Variants in UBE2E2 observed in about 807,000 individuals in gnomAD.
The protein encoded by UBE2E2 is ubiquitin conjugating enzyme E2 E2, also known as ubiquitin-conjugating enzyme E2 E2.
In UBE2E2, 6 loss-of-function variants were observed where a neutral mutation model predicts 24.7. The observed-to-expected ratio is 0.24, with a 90% CI of 0.13 to 0.48. The LOEUF is 0.48. Among genes scored for constraint, UBE2E2 ranks in the 20% least tolerant of loss-of-function variants. UBE2E2 has a pLI of 0.99. For synonymous variants in UBE2E2, 104 were observed against 83.6 expected (o/e 1.24, Z -1.33); for missense variants, 169 against 245.0 (o/e 0.69, Z 2.07).
intron 5 of UBE2E2, among the ~76,000 whole-genome samples, chr3:23,538,136 CAAT>C (rs1181462862): frequency 6.6e-6 from 1 of 152,050 alleles, no homozygotes; most frequent in African/African-American, 2.4e-5. Context: ...TTTCCTAGAA[CAAT>C]AACTACAGTT....
At chr3:23,299,285 C>A (rs1424137121) in intron 3 of UBE2E2, among the ~76,000 whole-genome samples, 1 of 152,132 alleles carries the variant, frequency 6.6e-6, no homozygotes, top group Admixed American at 6.5e-5. Flanking sequence ...CTATTTCCTT[C>A]AGTTCTGCTC....
At position 23,578,778 on chromosome 3, in the gene UBE2E2, G is replaced by A. The variant is rs529800914; in HGVS notation, c.509-10956G>A. 2.6e-5 allele frequency among the ~76,000 whole-genome samples: 4 copies of A among 152,158 alleles called. No homozygotes were observed. The South Asian group carries it at 6.2e-4, about 24-fold the overall frequency. On this transcript the variant is annotated intron_variant, in intron 5 of 5. Coordinates refer to ENST00000396703, the MANE Select transcript of UBE2E2 (RefSeq NM_152653.4). ...CAGCACACCCTGGGGCCTGTCAGAGGGGGCAGGGAAGGGGAGCATCAGGAA... is the reference window on the plus strand; with the variant it reads ...CAGCACACCCTGGGGCCTGTCAGAGAGGGCAGGGAAGGGGAGCATCAGGAA...
chr3:23,263,502 C>T (rs1201943556), intron 3 of UBE2E2, among the ~76,000 whole-genome samples: 1 of 152,158 alleles, frequency 6.6e-6, no homozygotes, highest in Non-Finnish European at 1.5e-5. Context: ...TCCCTTATTG[C>T]TTGAGTCACT....
chr3:23,221,650 T>G (rs1696646724), intron 3 of UBE2E2, among the ~76,000 whole-genome samples: 1 of 152,128 alleles, frequency 6.6e-6, no homozygotes, highest in African/African-American at 2.4e-5. Context: ...TCTTTTTTTT[T>G]TCTGAGACGG....
chr3:23,332,674 GGTGTGTGTGTGTGTGTGTGTGT>G (rs3086989), intron 3 of UBE2E2, among the ~76,000 whole-genome samples: 1 of 108,072 alleles, frequency 9.3e-6, no homozygotes, highest in East Asian at 2.3e-4. Context: ...CAGCCAGTGG[GGTGTGTGTGTGTGTGTGTGTGT>G]GTGTGTGTGT....
In UBE2E2 at chr3:23,210,356, A is replaced by G. The variant is rs974010007; in HGVS notation, c.176+1481A>G. On this transcript the variant is annotated intron_variant, in intron 2 of 5. Transcript: ENST00000396703. ...TTCTGCTGGGCCTGTGCTTTATTCT[A>G]TGATTGCTAGTTAGCAAAGTCACCT... is the stretch of plus-strand genomic sequence containing the variant. Among the ~76,000 whole-genome samples, 30 of 152,300 alleles carry G rather than the reference A, an allele frequency of 2.0e-4. No homozygotes were observed. In the East Asian group the frequency reaches 3.5e-3, roughly 18 times the overall value.
intron 3 of UBE2E2, among the ~76,000 whole-genome samples, chr3:23,454,004 A>G (rs1698622287): frequency 6.6e-6 from 1 of 152,224 alleles, no homozygotes; most frequent in Non-Finnish European, 1.5e-5. Context: ...GAAGGGAGGC[A>G]GCATTCTGAG....
chr3:23,352,754 C>T (rs1322106308), intron 3 of UBE2E2, among the ~76,000 whole-genome samples: 1 of 152,208 alleles, frequency 6.6e-6, no homozygotes, highest in Non-Finnish European at 1.5e-5. Context: ...AGCTTACCAA[C>T]CAAAAAGAGT....
chr3:23,320,099 C>G (rs1444644961), intron 3 of UBE2E2, among the ~76,000 whole-genome samples: 1 of 152,200 alleles, frequency 6.6e-6, no homozygotes, highest in Non-Finnish European at 1.5e-5. Context: ...TGAGTGATTA[C>G]AGTGCCTAGT....
intron 3 of UBE2E2, among the ~76,000 whole-genome samples, chr3:23,236,769 A>G (rs1697124674): frequency 6.6e-6 from 1 of 152,070 alleles, no homozygotes; most frequent in Non-Finnish European, 1.5e-5. Context: ...ACTCTTAAAC[A>G]TTTCCTGTGG....
At chr3:23,578,435 C>T (rs116530345) in intron 5 of UBE2E2, among the ~76,000 whole-genome samples, 2 of 152,114 alleles carry the variant, frequency 1.3e-5, no homozygotes, top group African/African-American at 2.4e-5. Flanking sequence ...TGGGTGTATA[C>T]CCAAAGGAAA....
chr3:23,582,826 C>G (rs1004381418), intron 5 of UBE2E2, among the ~76,000 whole-genome samples: 1 of 149,960 alleles, frequency 6.7e-6, no homozygotes, highest in African/African-American at 2.5e-5. Context: ...CAGATATTTT[C>G]TCCCATGCTG....
chr3:23,234,575 G>T (rs1408941975), intron 3 of UBE2E2, among the ~76,000 whole-genome samples: 2 of 152,138 alleles, frequency 1.3e-5, no homozygotes, highest in Admixed American at 6.5e-5. Flanking sequence ...CGATATTTAC[G>T]TGTTGACAGC....
intron 2 of UBE2E2, among the ~76,000 whole-genome samples, chr3:23,216,176 T>C (rs1284651901): frequency 6.6e-6 from 1 of 152,130 alleles, no homozygotes; most frequent in Non-Finnish European, 1.5e-5. Flanking sequence ...GTGCTCTGAT[T>C]CATAATGCCT....
In UBE2E2 at chr3:23,437,864, T is replaced by C. The variant is rs544298645; in HGVS notation, c.228-61744T>C. ...CGCACACAGGACAGGTGGCCACTTA[T>C]TTGATTAACATGAGAAAAACACAGA... On this transcript the variant is annotated intron_variant, in intron 3 of 5. Coordinates refer to ENST00000396703, the MANE Select transcript of UBE2E2 (RefSeq NM_152653.4). Among the ~76,000 whole-genome samples, 7 of 152,330 alleles carry C rather than the reference T, an allele frequency of 4.6e-5. No homozygotes were observed. The South Asian group carries it at 8.3e-4, about 18-fold the overall frequency.
At chr3:23,268,779 A>G (rs989417315) in intron 3 of UBE2E2, among the ~76,000 whole-genome samples, 19 of 149,450 alleles carry the variant, frequency 1.3e-4, no homozygotes, top group African/African-American at 4.5e-4. Flanking sequence ...AGCTGGAGGC[A>G]TCACGCTACC....
In UBE2E2 at chr3:23,449,238, A is replaced by AG. The variant is rs199932421; in HGVS notation, c.228-50365dup. ...GAAGTGAAAACATTTGGTAAGTGTA[A>AG]GGGGGATTTTTATTGTTAGCCACAT... On this transcript the variant is annotated intron_variant, in intron 3 of 5. Transcript: ENST00000396703. Among the ~76,000 whole-genome samples, 1,180 of 152,312 alleles carry AG rather than the reference A, an allele frequency of 7.7e-3. 18 individuals are homozygous for AG. The highest frequency in any genetic ancestry group is 0.026 in the African/African-American group (1,097 of 41,562).
At chr3:23,328,168 T>C (rs1200442664) in intron 3 of UBE2E2, among the ~76,000 whole-genome samples, 2 of 152,146 alleles carry the variant, frequency 1.3e-5, no homozygotes, top group African/African-American at 4.8e-5. Context: ...AGAAAAGAAA[T>C]ATGAGGCATG....
intron 3 of UBE2E2, among the ~76,000 whole-genome samples, chr3:23,230,094 C>T (rs1227816729): frequency 1.3e-5 from 2 of 152,182 alleles, no homozygotes; most frequent in African/African-American, 2.4e-5. Context: ...TATCTCCCCT[C>T]TGCTATCCAC....
Sources: gnomAD v4.1 joint callset for allele counts (sites outside exome capture counted in the v4.1 genomes callset) on GRCh38, gnomAD v4.1.1 for gene constraint, MANE v1.5 for transcripts, NCBI Gene and HGNC (gene_info 2026-07-23, HGNC 2026-07-21) for gene names.